SYT12: variants seen among roughly 807,000 people sequenced by gnomAD.
SYT12 encodes synaptotagmin-12.
A neutral mutation model predicts 39.5 loss-of-function variants in SYT12; 27 were observed. That is an observed-to-expected ratio of 0.68 (90% CI 0.50 to 0.94). The LOEUF (loss-of-function observed/expected upper bound fraction) is 0.94. Among genes scored for constraint, SYT12 ranks in the 40% least tolerant of loss-of-function variants. SYT12 has a pLI of 0.00. For synonymous variants in SYT12, 233 were observed against 239.7 expected (o/e 0.97, Z 0.26); for missense variants, 536 against 572.6 (o/e 0.94, Z 0.65).
intron 3 of SYT12, among the ~76,000 whole-genome samples, chr11:67,016,135 G>A (rs1950057015): frequency 6.6e-6 from 1 of 152,104 alleles, no homozygotes; most frequent in Non-Finnish European, 1.5e-5. Flanking sequence ...ACAAAAATTA[G>A]CCGGGAGTGG....
rs1565345674 is a variant in SYT12, at chr11:67,048,439, C to T, written c.1093-145C>T. ...TTGCTGAGTGACCTGGGGCAAGTCT[C>T]CTCACCTCTTAGATCAGAGGTGAGG... is the stretch of plus-strand genomic sequence containing the variant. On this transcript the variant is annotated intron_variant, in intron 7 of 7. Coordinates refer to ENST00000527043, the MANE Select transcript of SYT12 (RefSeq NM_177963.4). 12 of 797,948 alleles carry T rather than the reference C, an allele frequency of 1.5e-5. No homozygotes were observed. The Admixed American group carries it at 1.7e-4, about 11-fold the overall frequency. The allele number at this position is 797,948 out of a possible 1,614,324, so 49.4% of individuals were successfully genotyped here.
intron 4 of SYT12, among the ~76,000 whole-genome samples, chr11:67,041,871 G>A (rs866891393): frequency 1.3e-5 from 2 of 152,194 alleles, no homozygotes; most frequent in Admixed American, 6.5e-5. Context: ...CAGAGCAGAG[G>A]GGGGAAGGGT....
At position 67,044,678 on chromosome 11, in the gene SYT12, A is replaced by G. The variant is rs1270338908; in HGVS notation, c.923A>G (p.Lys308Arg). 6.2e-7 allele frequency: 1 copy of G among 1,613,658 alleles called. No individual in the cohort carries two copies. The highest frequency in any genetic ancestry group is 1.7e-5 in the Admixed American group (1 of 60,002). Reference protein sequence around the residue: ...ERLTVVVVKAKNLIWTNDKTT... With the variant: ...ERLTVVVVKARNLIWTNDKTT... ...CTCACCGTGGTCGTGGTTAAGGCCA[A>G]GAACCTCATCTGGACCAACGACAAG... is the stretch of plus-strand genomic sequence containing the variant. Residue 308 changes from lysine (K) to arginine (R), a missense_variant, in exon 6 of 8, where the codon AAG (lysine) becomes AGG (arginine). Lys to Arg is a conservative substitution (Grantham distance 26, BLOSUM62 2). Coordinates refer to ENST00000527043, the MANE Select transcript of SYT12 (RefSeq NM_177963.4).
intron 3 of SYT12, among the ~76,000 whole-genome samples, chr11:67,017,330 C>T (rs1429252482): frequency 6.6e-6 from 1 of 150,814 alleles, no homozygotes; most frequent in East Asian, 2.0e-4. Context: ...AAGACCAGCC[C>T]GGGTAACATA....
intron 1 of SYT12, chr11:67,027,316 A>T (rs968724170): frequency 2.6e-5 from 4 of 152,226 alleles, no homozygotes; most frequent in Non-Finnish European, 4.4e-5. Flanking sequence ...CCTGGCCAAC[A>T]TGATGAAACC....
At chr11:67,036,776 A>AT (rs1331878843) in intron 3 of SYT12, among the ~76,000 whole-genome samples, 1 of 151,386 alleles carries the variant, frequency 6.6e-6, no homozygotes, top group Non-Finnish European at 1.5e-5. Context: ...TCTCTACTAA[A>AT]AAAAATACAA....
At chr11:67,021,131 T>C (rs543445269), upstream of SYT12, among the ~76,000 whole-genome samples, 1 of 152,318 alleles carries the variant, frequency 6.6e-6, no homozygotes, top group East Asian at 1.9e-4. Context: ...TGATTCATAA[T>C]GGGCATTTGT....
intron 7 of SYT12, among the ~76,000 whole-genome samples, chr11:67,047,652 G>A (rs1422249163): frequency 1.3e-5 from 2 of 151,142 alleles, no homozygotes; most frequent in African/African-American, 4.9e-5. Context: ...CACACAGCAA[G>A]GAAGTGGAGG....
intron 3 of SYT12, among the ~76,000 whole-genome samples, chr11:67,035,250 C>T (rs1950336485): frequency 6.6e-6 from 1 of 151,382 alleles, no homozygotes; most frequent in Admixed American, 6.6e-5. Context: ...CTCAGGTGAT[C>T]CACCTGCCTC....
intron 3 of SYT12, among the ~76,000 whole-genome samples, chr11:67,015,123 G>T (rs1253440): frequency 0.33 from 50,066 of 151,880 alleles, 8,473 homozygotes; most frequent in African/African-American, 0.38. Flanking sequence ...CCACAACAAT[G>T]GGAGATCCCT....
chr11:67,039,726 A>G, intron 3 of SYT12, 85 bp from the exon 4 acceptor site: 2 of 1,462,034 alleles, frequency 1.4e-6, no homozygotes, highest in Non-Finnish European at 1.8e-6. Context: ...GAGAATGAAC[A>G]GGCCTTACTC....
rs964518339 is a variant in SYT12 at position 67,049,338 on chromosome 11, C to T, written c.*581C>T. 4 of 152,402 alleles carry T rather than the reference C, an allele frequency of 2.6e-5. No homozygotes were observed. The highest frequency in any genetic ancestry group is 7.2e-5 in the African/African-American group (3 of 41,414). 9.4% of individuals were successfully genotyped at this position (152,402 alleles called of 1,614,324 possible). Reference sequence around the variant, plus strand: ...AATGGCAGGATGTGAACTTCCCCATCGCAAATGCAGTTCTCAGCCCACTGC... The same window carrying T: ...AATGGCAGGATGTGAACTTCCCCATTGCAAATGCAGTTCTCAGCCCACTGC... On this transcript the variant is annotated 3_prime_UTR_variant, in exon 8 of 8. Coordinates refer to ENST00000527043, the MANE Select transcript of SYT12 (RefSeq NM_177963.4).
chr11:67,043,975 C>G, intron 5 of SYT12, 122 bp downstream of exon 5: 3 of 970,212 alleles, frequency 3.1e-6, no homozygotes. Flanking sequence ...ATTAGGAGAG[C>G]AGAGAAGAAG....
chr11:67,024,255 G>C (rs1192513975), intron 1 of SYT12, among the ~76,000 whole-genome samples: 1 of 152,252 alleles, frequency 6.6e-6, no homozygotes, highest in African/African-American at 2.4e-5. Context: ...CCCGTCAGGG[G>C]ATGACAGTTT....
At chr11:67,009,546 C>G (rs1309508097) in intron 1 of SYT12, among the ~76,000 whole-genome samples, 2 of 152,314 alleles carry the variant, frequency 1.3e-5, no homozygotes, top group Middle Eastern at 3.4e-3. Flanking sequence ...CCCACCACAG[C>G]CTCCGAAAGT....
intron 2 of SYT12, among the ~76,000 whole-genome samples, chr11:67,033,268 C>T (rs918175911): frequency 5.3e-5 from 8 of 152,172 alleles, no homozygotes; most frequent in African/African-American, 1.7e-4. Context: ...CATATCTCAG[C>T]TTACATGTCC....
At chr11:67,008,879 G>A (rs900667652) in intron 1 of SYT12, among the ~76,000 whole-genome samples, 2 of 152,088 alleles carry the variant, frequency 1.3e-5, no homozygotes, top group Non-Finnish European at 2.9e-5. Context: ...CTCAGGTTCC[G>A]AATGTGTAAC....
At position 67,040,185 on chromosome 11, in the gene SYT12, G is replaced by A; in HGVS notation, c.603G>A (p.Gln201=). The change falls in exon 4 of 8, where the codon CAG becomes CAA. Residue 201 remains glutamine, a synonymous_variant. Coordinates refer to ENST00000527043, the MANE Select transcript of SYT12 (RefSeq NM_177963.4). Reference sequence around the variant, plus strand: ...GCGTCAGCCTGCTGCCGGACGAGCAGATCGTGGGCATTTCTCGGGTAAGTG... The same window carrying A: ...GCGTCAGCCTGCTGCCGGACGAGCAAATCGTGGGCATTTCTCGGGTAAGTG... ...FMRVSLLPDE[Q]IVGISRIQRN... is the part of the protein sequence containing the mutation. 6.3e-7 allele frequency: 1 copy of A among 1,579,640 alleles called. No individual in the cohort carries two copies. Among genetic ancestry groups the A allele is most frequent in the East Asian group, 2.3e-5 (1 of 44,424 alleles).
chr11:67,045,709 G>A lies in SYT12; in HGVS notation c.959-35G>A, dbSNP rs766257943. On this transcript the variant is annotated intron_variant, in intron 6 of 7. Transcript: ENST00000527043. ...CTGGGCAGGGCTGTGGTGAGTGAGT[G>A]TGACACTGGCCCTCACCTGTCCGCC... 4.4e-6 allele frequency: 7 copies of A among 1,608,282 alleles called. No individual in the cohort carries two copies. The African/African-American group carries it at 8.0e-5, about 18-fold the overall frequency.
Sources: allele counts gnomAD v4.1 joint callset (sites outside exome capture counted in the v4.1 genomes callset), GRCh38; gene constraint gnomAD v4.1.1; transcripts MANE v1.5; gene names NCBI Gene and HGNC (gene_info 2026-07-23, HGNC 2026-07-21).